Variants in SLC2A13 observed in about 807,000 individuals in gnomAD.
SLC2A13 encodes solute carrier family 2 member 13.
Under a neutral mutation model 64.4 loss-of-function variants are expected in SLC2A13, and 32 were observed. The ratio of observed to expected loss-of-function variants is 0.50; its 90% confidence interval spans 0.37 to 0.67. The LOEUF (loss-of-function observed/expected upper bound fraction) is 0.67, where lower values mean the gene tolerates loss of function less well. Ranked by LOEUF, SLC2A13 falls within the 30% of genes least tolerant of loss-of-function variation. The pLI, the probability that SLC2A13 is intolerant of heterozygous loss-of-function variation, is 0.00. For synonymous variants in SLC2A13, 338 were observed against 327.1 expected, an observed-to-expected ratio of 1.03 and a Z score of -0.36; for missense variants, 743 against 829.2, an observed-to-expected ratio of 0.90 and a Z score of 1.28.
intron 7 of SLC2A13, among the ~76,000 whole-genome samples, chr12:39,792,208 T>G (rs1349158676): frequency 8.9e-6 from 1 of 112,502 alleles, no homozygotes; most frequent in African/African-American, 3.4e-5. Flanking sequence ...TCCTTATACC[T>G]TATACAAAAA....
chr12:39,829,836 A>T, intron 7 of SLC2A13: 1 of 409,782 alleles, frequency 2.4e-6, no homozygotes. Flanking sequence ...ATTTGTGAAT[A>T]GCTGCCTAAA....
chr12:39,941,444 G>T (rs532877035), intron 4 of SLC2A13, among the ~76,000 whole-genome samples: 5 of 152,012 alleles, frequency 3.3e-5, no homozygotes, highest in South Asian at 2.1e-4. Context: ...ACTGTTTTTT[G>T]ATTTTTTGAT....
chr12:39,985,058 G>A (rs1947004033), intron 3 of SLC2A13, among the ~76,000 whole-genome samples: 1 of 152,066 alleles, frequency 6.6e-6, no homozygotes, highest in African/African-American at 2.4e-5. Context: ...CACATATGGG[G>A]GAGGGATATA....
chr12:39,859,700 T>C (rs999119070), intron 6 of SLC2A13, among the ~76,000 whole-genome samples: 1 of 152,048 alleles, frequency 6.6e-6, no homozygotes, highest in African/African-American at 2.4e-5. Context: ...TTTTTTTTTG[T>C]ATTTTTAGTA....
chr12:39,961,261 T>C (rs1449515390), intron 3 of SLC2A13, among the ~76,000 whole-genome samples: 1 of 151,654 alleles, frequency 6.6e-6, no homozygotes, highest in African/African-American at 2.4e-5. Flanking sequence ...ATAATTTTGG[T>C]AGAGATGGGG....
chr12:39,802,994 G>A (rs1454286615), intron 7 of SLC2A13, among the ~76,000 whole-genome samples: 1 of 152,128 alleles, frequency 6.6e-6, no homozygotes, highest in African/African-American at 2.4e-5. Context: ...CTCACTAGAG[G>A]TATCTTCCAT....
intron 4 of SLC2A13, among the ~76,000 whole-genome samples, chr12:39,895,625 C>CACACATATGTATATGCGTGTATACGTAA (rs1565525994): frequency 0.061 from 316 of 5,168 alleles, 89 homozygotes; most frequent in African/African-American, 0.095. Flanking sequence ...TATATACGTA[C>CACACATATGTATATGCGTGTATACGTAA]ACACATATGT....
At position 39,988,141 on chromosome 12, in the gene SLC2A13, A is replaced by G. The variant is rs955952171; in HGVS notation, c.926-36776T>C. On this transcript the variant is annotated intron_variant, in intron 3 of 9. Transcript: ENST00000280871. ...TATATGTAGGGACAGTTTTTTTTAAATAGATTCCCAGATGCAAAAATGCTG... is the reference window on the plus strand; with the variant it reads ...TATATGTAGGGACAGTTTTTTTTAAGTAGATTCCCAGATGCAAAAATGCTG... 4.6e-5 allele frequency among the ~76,000 whole-genome samples: 7 copies of G among 152,260 alleles called. No homozygotes were observed. The East Asian group carries it at 1.4e-3, about 29-fold the overall frequency.
At chr12:39,880,421 T>C (rs1944311557) in intron 4 of SLC2A13, among the ~76,000 whole-genome samples, 1 of 152,212 alleles carries the variant, frequency 6.6e-6, no homozygotes, top group Non-Finnish European at 1.5e-5. Context: ...TTGTACATTA[T>C]AACATGCAAG....
chr12:39,807,489 T>C (rs569172228), intron 7 of SLC2A13, among the ~76,000 whole-genome samples: 1 of 152,276 alleles, frequency 6.6e-6, no homozygotes, highest in East Asian at 1.9e-4. Flanking sequence ...TAAAACTGCA[T>C]GTAAATATAT....
intron 3 of SLC2A13, among the ~76,000 whole-genome samples, chr12:39,954,121 C>T (rs1946277980): frequency 6.6e-6 from 1 of 152,058 alleles, no homozygotes; most frequent in South Asian, 2.1e-4. Context: ...CTCATGCTAG[C>T]GGATAACAGG....
intron 2 of SLC2A13, among the ~76,000 whole-genome samples, chr12:40,047,738 T>C (rs1053415555): frequency 6.6e-6 from 1 of 152,252 alleles, no homozygotes. Context: ...GTAGAATTCA[T>C]GAACTCCATA....
chr12:39,890,627 T>G (rs1944582286), intron 4 of SLC2A13, among the ~76,000 whole-genome samples: 1 of 152,026 alleles, frequency 6.6e-6, no homozygotes, highest in South Asian at 2.1e-4. Context: ...TTTTTAAGGT[T>G]TTCTTTTATT....
At chr12:39,947,107 T>C (rs1364945902) in intron 4 of SLC2A13, among the ~76,000 whole-genome samples, 2 of 152,162 alleles carry the variant, frequency 1.3e-5, no homozygotes, top group African/African-American at 4.8e-5. Context: ...TCAGCTTCTA[T>C]TACTCTGAGT....
chr12:40,071,139 A>T (rs1273252713), intron 1 of SLC2A13, among the ~76,000 whole-genome samples: 4 of 152,104 alleles, frequency 2.6e-5, no homozygotes, highest in Non-Finnish European at 4.4e-5. Flanking sequence ...GCATCTTAAA[A>T]AGTCCATTTT....
At chr12:39,867,125 C>A (rs184589087) in intron 5 of SLC2A13, among the ~76,000 whole-genome samples, 5 of 152,152 alleles carry the variant, frequency 3.3e-5, no homozygotes, top group African/African-American at 1.2e-4. Context: ...CAAAACAAAA[C>A]GAACCATGAG....
chr12:39,938,825 C>G (rs1231528433), intron 4 of SLC2A13, among the ~76,000 whole-genome samples: 1 of 152,034 alleles, frequency 6.6e-6, no homozygotes, highest in Admixed American at 6.6e-5. Flanking sequence ...TGCCTTGCCC[C>G]ATATGCTCTA....
chr12:39,767,766 C>T (rs749065204), intron 7 of SLC2A13, among the ~76,000 whole-genome samples: 2 of 152,102 alleles, frequency 1.3e-5, no homozygotes, highest in South Asian at 4.1e-4. Flanking sequence ...TGGTTACCCT[C>T]ATGCTGTTCT....
At chr12:39,970,416 A>G (rs1306042199) in intron 3 of SLC2A13, among the ~76,000 whole-genome samples, 1 of 152,202 alleles carries the variant, frequency 6.6e-6, no homozygotes, top group Admixed American at 6.5e-5. Flanking sequence ...CCAACAGTGA[A>G]GTGGTCTCTT....
Sources: gnomAD v4.1 joint callset for allele counts (sites outside exome capture counted in the v4.1 genomes callset) on GRCh38, gnomAD v4.1.1 for gene constraint, MANE v1.5 for transcripts, NCBI Gene and HGNC (gene_info 2026-07-23, HGNC 2026-07-21) for gene names.